The following CNTN1 variants were observed in gnomAD, a reference collection of about 807,000 sequenced individuals.
CNTN1 encodes contactin 1.
Under a neutral mutation model 126.4 loss-of-function variants are expected in CNTN1, and 38 were observed. That is an observed-to-expected ratio of 0.30 (90% CI 0.23 to 0.39). The LOEUF is 0.39. Among genes scored for constraint, CNTN1 ranks in the 10% least tolerant of loss-of-function variants. The pLI, the probability that CNTN1 is intolerant of heterozygous loss-of-function variation, is 1.00. For synonymous variants in CNTN1, 413 were observed against 422.6 expected, an observed-to-expected ratio of 0.98 and a Z score of 0.28; for missense variants, 1,009 against 1,248.4, an observed-to-expected ratio of 0.81 and a Z score of 2.89.
At chr12:40,833,652 A>G (rs2136559230) in intron 1 of CNTN1, among the ~76,000 whole-genome samples, 1 of 152,310 alleles carries the variant, frequency 6.6e-6, no homozygotes, top group Middle Eastern at 3.4e-3. Context: ...AATCTCCTAT[A>G]AAAATAAGCT....
intron 17 of CNTN1, among the ~76,000 whole-genome samples, chr12:41,001,000 A>G (rs1948347804): frequency 6.6e-6 from 1 of 152,192 alleles, no homozygotes; most frequent in African/African-American, 2.4e-5. Context: ...TCCATGGTGT[A>G]TATGTACCAC....
intron 1 of CNTN1, among the ~76,000 whole-genome samples, chr12:40,884,258 A>G (rs1204610180): frequency 6.6e-6 from 1 of 150,620 alleles, no homozygotes; most frequent in Non-Finnish European, 1.5e-5. Flanking sequence ...TCTGCCTTCT[A>G]TTTGATTAGT....
At chr12:41,025,078 A>G in intron 20 of CNTN1, 72 bp from the exon 21 acceptor site, 1 of 1,419,012 alleles carries the variant, frequency 7.0e-7, no homozygotes, top group Admixed American at 1.7e-5. Context: ...TAATAGAACC[A>G]GTTGAAGAGA....
At chr12:41,043,790 A>G (rs1949477577) in intron 23 of CNTN1, among the ~76,000 whole-genome samples, 1 of 151,568 alleles carries the variant, frequency 6.6e-6, no homozygotes, top group South Asian at 2.1e-4. Context: ...AAAATGTGGC[A>G]CATATACACC....
rs35460640 is a variant in CNTN1 at position 41,058,395 on chromosome 12, A to G, written c.2981-11564A>G. 3.9e-3 allele frequency among the ~76,000 whole-genome samples: 601 copies of G among 152,256 alleles called. 7 individuals are homozygous for G. The highest frequency in any genetic ancestry group is 0.014 in the African/African-American group (577 of 41,558). Reference sequence around the variant, plus strand: ...AATTGTATGATGGAATGAATAAAAGAAGCCTGGCAATACTGATAGAAATGC... The same window carrying G: ...AATTGTATGATGGAATGAATAAAAGGAGCCTGGCAATACTGATAGAAATGC... On this transcript the variant is annotated intron_variant, in intron 23 of 23. Transcript: ENST00000551295.
chr12:41,028,195 C>G (rs886570753), intron 22 of CNTN1, among the ~76,000 whole-genome samples: 10 of 152,026 alleles, frequency 6.6e-5, no homozygotes, highest in African/African-American at 2.4e-4. Context: ...CCACACCCGG[C>G]TAATTTTTGT....
In CNTN1 at chr12:40,939,385, G is replaced by A; in HGVS notation, c.1279G>A (p.Ala427Thr). 1 of 1,613,958 alleles carries A rather than the reference G, an allele frequency of 6.2e-7. No homozygotes were observed. Among genetic ancestry groups the A allele is most frequent in the Non-Finnish European group, 8.5e-7 (1 of 1,179,954 alleles). Residue 427 changes from alanine to threonine, a missense_variant, in exon 12 of 24, where the codon GCT (alanine) becomes ACT (threonine). Ala to Thr is a moderately conservative substitution (Grantham distance 58). Transcript: ENST00000551295. ...TCCTATGAAGAAAAAGATCCTGGCT[G>A]CTAAAGGTGGAAGGGTGATAATTGA... ...MNPMKKKILA[A>T]KGGRVIIECK...
At chr12:40,937,011 TG>T (rs745488355) in intron 10 of CNTN1, 106 bp downstream of exon 10, 22 of 1,398,358 alleles carry the variant, frequency 1.6e-5, no homozygotes, top group Non-Finnish European at 2.1e-5. Flanking sequence ...AAAGGGCACT[TG>T]GGCCCTGAAA....
At position 41,007,045 on chromosome 12, in the gene CNTN1, G is replaced by GTT. The variant is rs71078294; in HGVS notation, c.2114-7152_2114-7151dup. Among the ~76,000 whole-genome samples, 394 of 69,242 alleles carry GTT rather than the reference G, an allele frequency of 5.7e-3. 24 individuals are homozygous for GTT. The highest frequency in any genetic ancestry group is 8.4e-3 in the African/African-American group (137 of 16,242). The allele number at this position is 69,242 out of a possible 152,430, so 45.4% of individuals were successfully genotyped here. A position where few individuals can be genotyped will look rare whatever the true frequency, so the allele number is the denominator to read the frequency against. Reference sequence around the variant, plus strand: ...TGGCAGTTAAAAGCAGTTTTGTGTGGTTTTTTTTTTTTTTTTTTTTTTTTT... The same window carrying GTT: ...TGGCAGTTAAAAGCAGTTTTGTGTGGTTTTTTTTTTTTTTTTTTTTTTTTTTT... On this transcript the variant is annotated intron_variant, in intron 17 of 23. Transcript: ENST00000551295.
chr12:41,009,579 A>G (rs1386097296), intron 17 of CNTN1, among the ~76,000 whole-genome samples: 1 of 152,182 alleles, frequency 6.6e-6, no homozygotes, highest in Non-Finnish European at 1.5e-5. Flanking sequence ...GGCTGTGACT[A>G]TGGCCTCAGT....
At position 41,070,896 on chromosome 12, in the gene CNTN1, C is replaced by CT. The variant is rs906938899; in HGVS notation, c.*867dup. ...CAAATTTTGAAAAGTAGAGTGCTTC[C>CT]TTTTTTATTGAGATGTGACAGTCTT... On this transcript the variant is annotated 3_prime_UTR_variant, in exon 24 of 24. Transcript: ENST00000551295. 1.3e-5 allele frequency: 2 copies of CT among 151,752 alleles called. No individual in the cohort carries two copies. The highest frequency in any genetic ancestry group is 2.4e-5 in the African/African-American group (1 of 41,314). 9.4% of individuals were successfully genotyped at this position (151,752 alleles called of 1,614,324 possible).
rs76995684 is a variant in CNTN1, at chr12:41,012,253, G to C, written c.2114-1975G>C. Among the ~76,000 whole-genome samples, 316 of 152,294 alleles carry C rather than the reference G, an allele frequency of 2.1e-3. 1 individual carries two copies. Among genetic ancestry groups the C allele is most frequent in the African/African-American group, 7.2e-3 (301 of 41,568 alleles). ...GCTCTCTAGAACAAGGGCAGGGAGA[G>C]ATGCTCACTGGGGGTACCCTCTGTT... On this transcript the variant is annotated intron_variant, in intron 17 of 23. Transcript: ENST00000551295.
chr12:40,775,350 T>C (rs1175567930), intron 1 of CNTN1, among the ~76,000 whole-genome samples: 3 of 151,552 alleles, frequency 2.0e-5, no homozygotes, highest in South Asian at 4.1e-4. Flanking sequence ...CTTTGGTAGA[T>C]ATTAATTTGG....
Position 40,943,639 on chromosome 12 carries a change from T to C in CNTN1, c.1422T>C (p.Ile474=), listed in dbSNP as rs1031078771. ...WEDGSLEINN[I]TRNDGGIYTC... ...ATGGTAGCTTGGAAATCAACAACAT[T>C]ACAAGGAATGATGGAGGTATCTATA... Residue 474 remains isoleucine (I), a synonymous_variant, in exon 13 of 24, where the codon ATT becomes ATC. Coordinates refer to ENST00000551295, the MANE Select transcript of CNTN1 (RefSeq NM_001843.4). 6.2e-7 allele frequency: 1 copy of C among 1,602,000 alleles called. No homozygotes were observed. The highest frequency in any genetic ancestry group is 8.6e-7 in the Non-Finnish European group (1 of 1,169,268).
rs1224358763 is a variant in CNTN1 at position 40,712,813 on chromosome 12, C to T, written c.-77+20221C>T. Among the ~76,000 whole-genome samples the T allele has an allele frequency of 2.0e-5, 3 of 151,828 alleles. No individual in the cohort carries two copies. In the East Asian group the frequency reaches 5.8e-4, roughly 29 times the overall value. ...TATGCTATCGTTTGGATGTTTGTTCCCCAAAACCTCATTTTGAAATTTAAT... is the reference window on the plus strand; with the variant it reads ...TATGCTATCGTTTGGATGTTTGTTCTCCAAAACCTCATTTTGAAATTTAAT... On this transcript the variant is annotated intron_variant, in intron 1 of 23. Coordinates refer to ENST00000551295, the MANE Select transcript of CNTN1 (RefSeq NM_001843.4).
intron 6 of CNTN1, among the ~76,000 whole-genome samples, chr12:40,929,336 G>GTATA (rs1555182701): frequency 6.7e-6 from 1 of 148,682 alleles, no homozygotes; most frequent in African/African-American, 2.5e-5. Flanking sequence ...TAAAATAGGT[G>GTATA]CACACACACA....
intron 1 of CNTN1, among the ~76,000 whole-genome samples, chr12:40,811,040 A>G (rs1195918600): frequency 1.3e-5 from 2 of 152,170 alleles, no homozygotes; most frequent in Non-Finnish European, 2.9e-5. Context: ...TTAATATTTA[A>G]TTGCGTGTAC....
At chr12:40,800,260 G>A (rs532274160) in intron 1 of CNTN1, among the ~76,000 whole-genome samples, 4 of 151,914 alleles carry the variant, frequency 2.6e-5, no homozygotes, top group African/African-American at 9.6e-5. Flanking sequence ...CTACGAAGAA[G>A]GTGCCTACTT....
chr12:40,844,933 G>A (rs1942444489), intron 1 of CNTN1, among the ~76,000 whole-genome samples: 1 of 152,234 alleles, frequency 6.6e-6, no homozygotes, highest in East Asian at 1.9e-4. Flanking sequence ...TCAAGAAACA[G>A]TCTTTCTCCA....
Sources: gnomAD v4.1 joint callset for allele counts (sites outside exome capture counted in the v4.1 genomes callset) on GRCh38, gnomAD v4.1.1 for gene constraint, MANE v1.5 for transcripts, NCBI Gene and HGNC (gene_info 2026-07-23, HGNC 2026-07-21) for gene names.